UBE3C: variants seen among roughly 807,000 people sequenced by gnomAD.
UBE3C encodes ubiquitin-protein ligase E3C.
In UBE3C, 42 loss-of-function variants were observed where a neutral mutation model predicts 129.4. That is an observed-to-expected ratio of 0.32 (90% CI 0.25 to 0.42). UBE3C has a LOEUF of 0.42. UBE3C is among the 10% of genes least tolerant of loss of function. The pLI, the probability that UBE3C is intolerant of heterozygous loss-of-function variation, is 1.00. For synonymous variants in UBE3C, 510 were observed against 492.4 expected, an observed-to-expected ratio of 1.04 and a Z score of -0.47; for missense variants, 1,049 against 1,319.1, an observed-to-expected ratio of 0.80 and a Z score of 3.17.
At chr7:157,201,119 T>G (rs1296468288) in intron 10 of UBE3C, among the ~76,000 whole-genome samples, 1 of 151,056 alleles carries the variant, frequency 6.6e-6, no homozygotes, top group East Asian at 2.0e-4. Flanking sequence ...AGGTCAGGAG[T>G]TCAAGACCAG....
At chr7:157,227,332 T>TG (rs936449119) in intron 17 of UBE3C, among the ~76,000 whole-genome samples, 3 of 151,994 alleles carry the variant, frequency 2.0e-5, no homozygotes, top group Admixed American at 6.6e-5. Flanking sequence ...TACTTGCAAG[T>TG]GGGGGGGCTG....
intron 13 of UBE3C, among the ~76,000 whole-genome samples, chr7:157,211,905 C>T (rs544159267): frequency 2.6e-4 from 40 of 152,250 alleles, no homozygotes; most frequent in African/African-American, 9.1e-4. Flanking sequence ...CCACAGAGGC[C>T]GGTCCTGTGG....
At chr7:157,198,382 C>T (rs1586681889) in intron 10 of UBE3C, 1 of 722,360 alleles carries the variant, frequency 1.4e-6, no homozygotes, top group East Asian at 2.6e-5. Flanking sequence ...ATATGTCATC[C>T]CTTTGGCTGT....
intron 13 of UBE3C, among the ~76,000 whole-genome samples, chr7:157,215,527 A>G (rs993703128): frequency 6.7e-6 from 1 of 148,164 alleles, no homozygotes; most frequent in Admixed American, 6.8e-5. Flanking sequence ...TAACTATAAT[A>G]TAAATTATAT....
intron 22 of UBE3C, among the ~76,000 whole-genome samples, chr7:157,266,540 CT>C (rs1165708835): frequency 1.3e-5 from 2 of 152,212 alleles, no homozygotes; most frequent in Admixed American, 1.3e-4. Flanking sequence ...CAGAATTCCT[CT>C]TGATTTTAGT....
chr7:157,197,509 GTTT>G (rs74600078), intron 10 of UBE3C: 628 of 641,900 alleles, frequency 9.8e-4, no homozygotes, highest in South Asian at 1.6e-3. Context: ...AAAATAATTT[GTTT>G]TTTTTTTTTT....
chr7:157,217,272 A>AAT (rs1264138092), intron 14 of UBE3C: 3 of 232,400 alleles, frequency 1.3e-5, no homozygotes, highest in African/African-American at 2.3e-5. Context: ...TATTAGTATT[A>AAT]ATATATGTCT....
intron 1 of UBE3C, among the ~76,000 whole-genome samples, chr7:157,162,237 C>G (rs752816493): frequency 1.3e-4 from 19 of 151,938 alleles, no homozygotes; most frequent in Non-Finnish European, 2.4e-4. Flanking sequence ...CTGTGTTGCC[C>G]AGGCTGGAGT....
At chr7:157,234,899 T>A (rs989681671) in intron 18 of UBE3C, among the ~76,000 whole-genome samples, 1 of 152,158 alleles carries the variant, frequency 6.6e-6, no homozygotes, top group African/African-American at 2.4e-5. Context: ...TGTATGAAAA[T>A]CTTTACAATG....
At chr7:157,178,037 A>G (rs1193142039) in intron 5 of UBE3C, among the ~76,000 whole-genome samples, 1 of 152,130 alleles carries the variant, frequency 6.6e-6, no homozygotes, top group East Asian at 1.9e-4. Context: ...TTTGATAGAA[A>G]AAAGGATTGG....
chr7:157,228,429 A>G (rs1387376977), intron 17 of UBE3C, among the ~76,000 whole-genome samples: 1 of 152,218 alleles, frequency 6.6e-6, no homozygotes, highest in Non-Finnish European at 1.5e-5. Flanking sequence ...TCACTCTGTC[A>G]TTGACTCTTG....
chr7:157,223,069 T>C lies in UBE3C; in HGVS notation c.2003-185T>C, dbSNP rs1795782244. 26 of 573,848 alleles carry C rather than the reference T, an allele frequency of 4.5e-5. 1 individual carries two copies. The South Asian group carries it at 4.8e-4, about 11-fold the overall frequency. The allele number at this position is 573,848 out of a possible 1,614,324, so 35.5% of individuals were successfully genotyped here. On this transcript the variant is annotated intron_variant, in intron 15 of 22. Coordinates refer to ENST00000348165, the MANE Select transcript of UBE3C (RefSeq NM_014671.3). The stretch of plus-strand genomic sequence containing the variant: ...CGATCAAGTTATGTGTTCGGGGAGC[T>C]ACTGTGCTGATCCTGCACTGTGCAT...
intron 1 of UBE3C, among the ~76,000 whole-genome samples, chr7:157,145,689 A>G (rs1484269967): frequency 6.6e-6 from 1 of 152,228 alleles, no homozygotes; most frequent in East Asian, 1.9e-4. Context: ...TTCACTTAGT[A>G]CTATGCATTT....
In UBE3C at chr7:157,184,038, C is replaced by G. The variant is rs371072828; in HGVS notation, c.1143+9C>G. On this transcript the variant is annotated intron_variant, in intron 9 of 22. Coordinates refer to ENST00000348165, the MANE Select transcript of UBE3C (RefSeq NM_014671.3). ...ACAAGCCCTCAAGCCCGGTAAGCCC[C>G]GTGCCCTGCATCTGGGGGGCTGCGA... 3 of 1,612,968 alleles carry G rather than the reference C, an allele frequency of 1.9e-6. No homozygotes were observed. Among genetic ancestry groups the G allele is most frequent in the Admixed American group, 1.7e-5 (1 of 59,898 alleles).
Position 157,182,835 on chromosome 7 carries a change from G to A in UBE3C, c.991+507G>A, listed in dbSNP as rs186050818. 2.1e-3 allele frequency among the ~76,000 whole-genome samples: 327 copies of A among 152,172 alleles called. 1 individual carries two copies. Among genetic ancestry groups the A allele is most frequent in the Non-Finnish European group, 3.5e-3 (238 of 68,000 alleles). ...TCCATCTCAGCTCACTGCAACCTCC[G>A]CCTCCCGGGTTCAAGTGATTCTCCT... On this transcript the variant is annotated intron_variant, in intron 8 of 22. Coordinates refer to ENST00000348165, the MANE Select transcript of UBE3C (RefSeq NM_014671.3).
chr7:157,248,147 G>A (rs555243013), intron 18 of UBE3C, among the ~76,000 whole-genome samples: 1 of 152,218 alleles, frequency 6.6e-6, no homozygotes, highest in South Asian at 2.1e-4. Flanking sequence ...TAGGTGGTCT[G>A]TTCCAGAGTT....
At chr7:157,225,373 T>A (rs1451343472) in intron 16 of UBE3C, 34 bp from the exon 17 acceptor site, 1 of 1,571,540 alleles carries the variant, frequency 6.4e-7, no homozygotes, top group Non-Finnish European at 8.6e-7. Context: ...GGTCTTTTGT[T>A]TCTAATAACC....
intron 22 of UBE3C, among the ~76,000 whole-genome samples, chr7:157,261,996 T>C (rs910759156): frequency 4.6e-5 from 7 of 152,216 alleles, no homozygotes; most frequent in Non-Finnish European, 8.8e-5. Context: ...ATTAGCGTTA[T>C]GAAAGAAACA....
At chr7:157,140,047 C>G (rs917849315) in intron 1 of UBE3C, 2 of 985,100 alleles carry the variant, frequency 2.0e-6, no homozygotes, top group African/African-American at 1.7e-5. Flanking sequence ...GGTAGGCAAA[C>G]CATGACGCCT....
Sources: allele counts gnomAD v4.1 joint callset (sites outside exome capture counted in the v4.1 genomes callset), GRCh38; gene constraint gnomAD v4.1.1; transcripts MANE v1.5; gene names NCBI Gene and HGNC (gene_info 2026-07-23, HGNC 2026-07-21).